PDE8B: variants seen among roughly 807,000 people sequenced by gnomAD.
The protein encoded by PDE8B is phosphodiesterase 8B.
In PDE8B, 26 loss-of-function variants were observed where a neutral mutation model predicts 101.3. The observed-to-expected ratio is 0.26, with a 90% CI of 0.19 to 0.36. PDE8B has a LOEUF of 0.36. PDE8B is among the 10% of genes least tolerant of loss of function. PDE8B has a pLI of 1.00. For synonymous variants in PDE8B, 424 were observed against 429.3 expected, an observed-to-expected ratio of 0.99 and a Z score of 0.15; for missense variants, 810 against 1,163.1, an observed-to-expected ratio of 0.70 and a Z score of 4.42.
chr5:77,100,856 G>A, the PDE8B span, among the ~76,000 whole-genome samples: 1 of 151,780 alleles, frequency 6.6e-6, no homozygotes, highest in Non-Finnish European at 1.5e-5. Context: ...CAAACTTTTT[G>A]CCAAAGGAAA....
At chr5:77,365,393 G>C (rs1783934218) in intron 10 of PDE8B, among the ~76,000 whole-genome samples, 1 of 152,106 alleles carries the variant, frequency 6.6e-6, no homozygotes, top group Non-Finnish European at 1.5e-5. Context: ...GGATGTCTTG[G>C]AGGGGGACAA....
At position 77,398,321 on chromosome 5, in the gene PDE8B, T is replaced by TC. The variant is rs1026369880; in HGVS notation, c.1168-1927_1168-1926insC. Among the ~76,000 whole-genome samples the TC allele has an allele frequency of 5.4e-4, 13 of 23,854 alleles. 1 individual carries two copies. The highest frequency in any genetic ancestry group is 1.6e-3 in the African/African-American group (12 of 7,402). 15.6% of individuals were successfully genotyped at this position (23,854 alleles called of 152,430 possible). A position where few individuals can be genotyped will look rare whatever the true frequency, so the allele number is the denominator to read the frequency against. On this transcript the variant is annotated intron_variant, in intron 10 of 21. Coordinates refer to ENST00000264917, the MANE Select transcript of PDE8B (RefSeq NM_003719.5). ...AATTCCTAATCAAGCTGTTTTACTT[T>TC]TTTTTTTTTTTTTTTTTTGAAATGG...
chr5:77,349,342 TC>T (rs1405801408), intron 7 of PDE8B, 76 bp from the exon 8 acceptor site: 1 of 1,588,034 alleles, frequency 6.3e-7, no homozygotes, highest in African/African-American at 1.3e-5. Context: ...CAACAAGTCT[TC>T]CTACGGGGCA....
the PDE8B span, among the ~76,000 whole-genome samples, chr5:77,119,857 G>T: frequency 2.8e-4 from 42 of 151,834 alleles, no homozygotes; most frequent in East Asian, 7.0e-3. Flanking sequence ...AAAAAATAAA[G>T]ACATTAGCCA....
At chr5:77,291,394 G>T in intron 1 of PDE8B, 1 of 1,611,704 alleles carries the variant, frequency 6.2e-7, no homozygotes, top group Non-Finnish European at 8.5e-7. Flanking sequence ...GTTATGGATC[G>T]CCCTGGAAAT....
chr5:77,358,169 C>G (rs940424695), intron 10 of PDE8B, among the ~76,000 whole-genome samples: 1 of 152,234 alleles, frequency 6.6e-6, no homozygotes, highest in African/African-American at 2.4e-5. Context: ...TCATGGCATT[C>G]TCAGCAGAAC....
chr5:77,108,069 C>T, the PDE8B span, among the ~76,000 whole-genome samples: 458 of 152,302 alleles, frequency 3.0e-3, 1 homozygote, highest in African/African-American at 0.01. Context: ...CCTGCATTTA[C>T]ACTGCAGAGT....
chr5:77,273,308 C>G (rs1763155590), intron 1 of PDE8B, among the ~76,000 whole-genome samples: 1 of 152,160 alleles, frequency 6.6e-6, no homozygotes, highest in African/African-American at 2.4e-5. Flanking sequence ...TAATTTATTT[C>G]AAATCAATTT....
chr5:77,132,183 C>T, the PDE8B span, among the ~76,000 whole-genome samples: 2 of 152,128 alleles, frequency 1.3e-5, no homozygotes, highest in African/African-American at 4.8e-5. Context: ...CATATTTTTA[C>T]ACAACAGTCC....
the PDE8B span, among the ~76,000 whole-genome samples, chr5:77,187,636 G>A: frequency 6.6e-6 from 1 of 152,140 alleles, no homozygotes; most frequent in Non-Finnish European, 1.5e-5. Flanking sequence ...TGGCAAAAAT[G>A]GCAAAGAGGG....
the PDE8B span, among the ~76,000 whole-genome samples, chr5:77,185,648 T>C: frequency 6.6e-6 from 1 of 152,186 alleles, no homozygotes; most frequent in African/African-American, 2.4e-5. Flanking sequence ...CTGTTTTCAT[T>C]GGAGGGGGCC....
At position 77,259,462 on chromosome 5, in the gene PDE8B, G is replaced by C. The variant is rs138056078; in HGVS notation, c.339+48198G>C. Among the ~76,000 whole-genome samples, 688 of 152,286 alleles carry C rather than the reference G, an allele frequency of 4.5e-3. 6 individuals are homozygous for C. Among genetic ancestry groups the C allele is most frequent in the Non-Finnish European group, 5.8e-3 (396 of 68,026 alleles). On this transcript the variant is annotated intron_variant, in intron 1 of 21. Coordinates refer to ENST00000264917, the MANE Select transcript of PDE8B (RefSeq NM_003719.5). ...AAAACCCTTCTGCACCTTCTCTGGT[G>C]GCAACTTGTGGAGGCCTAGGAGTTT...
At chr5:77,117,102 A>AAT in the PDE8B span, among the ~76,000 whole-genome samples, 1 of 152,150 alleles carries the variant, frequency 6.6e-6, no homozygotes, top group Non-Finnish European at 1.5e-5. Context: ...CTCTTATAGA[A>AAT]ATCACCCTTC....
the PDE8B span, among the ~76,000 whole-genome samples, chr5:77,189,580 G>T: frequency 2.0e-5 from 3 of 152,202 alleles, no homozygotes; most frequent in Non-Finnish European, 4.4e-5. Flanking sequence ...ATTTGTGAAA[G>T]AATATTTCAA....
the PDE8B span, chr5:77,144,284 T>G: frequency 6.6e-6 from 1 of 152,172 alleles, no homozygotes; most frequent in Non-Finnish European, 1.5e-5. Flanking sequence ...ATCTGGAAAC[T>G]GGGTCAAAGA....
At chr5:77,340,358 G>A (rs1238170578) in intron 6 of PDE8B, among the ~76,000 whole-genome samples, 1 of 152,124 alleles carries the variant, frequency 6.6e-6, no homozygotes, top group African/African-American at 2.4e-5. Context: ...TGGGCTCTGC[G>A]TGATAGCCAT....
chr5:77,291,756 A>G (rs1580829765), intron 1 of PDE8B: 1 of 1,583,358 alleles, frequency 6.3e-7, no homozygotes, highest in South Asian at 1.1e-5. Context: ...TTGTACTATC[A>G]ACTACAGTAA....
chr5:77,123,717 C>T, the PDE8B span, among the ~76,000 whole-genome samples: 1 of 152,138 alleles, frequency 6.6e-6, no homozygotes, highest in Non-Finnish European at 1.5e-5. Context: ...CATGATGGTG[C>T]CACTGCACTC....
At position 77,303,242 on chromosome 5, in the gene PDE8B, A is replaced by C. The variant is rs994919841; in HGVS notation, c.340-8752A>C. 2.0e-5 allele frequency among the ~76,000 whole-genome samples: 3 copies of C among 152,100 alleles called. No individual in the cohort carries two copies. The East Asian group carries it at 5.8e-4, about 29-fold the overall frequency. ...CCCATGTACTCACTATTTACTGCTT[A>C]AAAAAATAGGTCATACGCTGAGTGT... On this transcript the variant is annotated intron_variant, in intron 1 of 21. Transcript: ENST00000264917.
Sources: allele counts gnomAD v4.1 joint callset (sites outside exome capture counted in the v4.1 genomes callset), GRCh38; gene constraint gnomAD v4.1.1; transcripts MANE v1.5; gene names NCBI Gene and HGNC (gene_info 2026-07-23, HGNC 2026-07-21).